The following MFSD11 variants were observed in gnomAD, a reference collection of about 807,000 sequenced individuals.
The protein encoded by MFSD11 is major facilitator superfamily domain containing 11.
In MFSD11, 36 loss-of-function variants were observed where a neutral mutation model predicts 53.5. That is an observed-to-expected ratio of 0.67 (90% confidence interval 0.52 to 0.89). The LOEUF (loss-of-function observed/expected upper bound fraction) is 0.89. Ranked by LOEUF, MFSD11 falls within the 40% of genes least tolerant of loss-of-function variation. The pLI is 0.00. For missense variants in MFSD11, 530 were observed against 543.9 expected, an observed-to-expected ratio of 0.97 and a Z score of 0.25; for synonymous variants, 186 against 184.9, an observed-to-expected ratio of 1.01 and a Z score of -0.05.
chr17:76,799,963 T>C, the MFSD11 span, among the ~76,000 whole-genome samples: 2 of 148,708 alleles, frequency 1.3e-5, no homozygotes, highest in East Asian at 3.9e-4. Flanking sequence ...TCCTTTTTTT[T>C]TTTTTTTTTT....
chr17:76,772,499 G>A (rs912224760), intron 10 of MFSD11, among the ~76,000 whole-genome samples: 1 of 149,980 alleles, frequency 6.7e-6, no homozygotes, highest in East Asian at 1.9e-4. Context: ...TATTGTTAAC[G>A]CTCTACCTTA....
At chr17:76,801,587 C>T in the MFSD11 span, among the ~76,000 whole-genome samples, 3 of 151,840 alleles carry the variant, frequency 2.0e-5, no homozygotes, top group African/African-American at 7.3e-5. Context: ...GCTGGGATTA[C>T]AGTCATGCAC....
the MFSD11 span, among the ~76,000 whole-genome samples, chr17:76,786,876 C>T: frequency 4.7e-5 from 7 of 148,942 alleles, no homozygotes; most frequent in East Asian, 1.4e-3. Flanking sequence ...AGTGCAGTGG[C>T]GCGATATTGG....
upstream of MFSD11, chr17:76,736,764 G>T: frequency 1.4e-6 from 2 of 1,400,782 alleles, no homozygotes; most frequent in Non-Finnish European, 9.2e-7. Flanking sequence ...CGCGCGCCCC[G>T]CCCCGCCTCC....
chr17:76,752,338 T>C (rs1318781448), intron 7 of MFSD11, among the ~76,000 whole-genome samples: 1 of 152,096 alleles, frequency 6.6e-6, no homozygotes, highest in Non-Finnish European at 1.5e-5. Context: ...CTTTGGAGCA[T>C]GATTTCAAGC....
chr17:76,762,105 C>G (rs539015053), intron 8 of MFSD11, among the ~76,000 whole-genome samples: 47 of 152,192 alleles, frequency 3.1e-4, no homozygotes, highest in African/African-American at 1.1e-3. Flanking sequence ...TGCAACCTCC[C>G]TAAGGCACTC....
chr17:76,741,132 CTT>C (rs2078046508), intron 3 of MFSD11, 68 bp downstream of exon 3: 2 of 1,007,970 alleles, frequency 2.0e-6, no homozygotes, highest in Non-Finnish European at 3.2e-6. Flanking sequence ...AGATAGTAAA[CTT>C]CACAATAATT....
At chr17:76,739,093 G>C in intron 2 of MFSD11, 100 bp downstream of exon 2, 1 of 917,850 alleles carries the variant, frequency 1.1e-6, no homozygotes, top group Non-Finnish European at 1.8e-6. Context: ...AATAAGTGGT[G>C]ATGGCATTTT....
intron 8 of MFSD11, 160 bp from the exon 9 acceptor site, chr17:76,767,226 A>G (rs1280739340): frequency 3.6e-6 from 2 of 549,484 alleles, no homozygotes; most frequent in South Asian, 2.5e-5. Context: ...TATAGGGCAA[A>G]TGTAGTTCAT....
the MFSD11 span, among the ~76,000 whole-genome samples, chr17:76,800,157 G>A: frequency 6.6e-6 from 1 of 151,262 alleles, no homozygotes; most frequent in South Asian, 2.1e-4. Flanking sequence ...GTTTCACCAT[G>A]TTGGCCAGGC....
In MFSD11 at chr17:76,738,143, T is replaced by A; in HGVS notation, c.-210T>A. The A allele has an allele frequency of 1.7e-6, 1 of 601,554 alleles. No individual in the cohort carries two copies. Among genetic ancestry groups the A allele is most frequent in the Non-Finnish European group, 2.9e-6 (1 of 340,924 alleles). 37.3% of individuals were successfully genotyped at this position (601,554 alleles called of 1,614,324 possible). On this transcript the variant is annotated 5_prime_UTR_variant, in exon 1 of 13. Coordinates refer to ENST00000685175, the MANE Select transcript of MFSD11 (RefSeq NM_001242532.5). Reference sequence around the variant, plus strand: ...TGTGCTCTTCCGTACTCGGATCGCTTCTTAGGAGTATCCTAACTGCCGGTG... The same window carrying A: ...TGTGCTCTTCCGTACTCGGATCGCTACTTAGGAGTATCCTAACTGCCGGTG...
chr17:76,796,598 G>T, the MFSD11 span, among the ~76,000 whole-genome samples: 3 of 152,190 alleles, frequency 2.0e-5, no homozygotes, highest in African/African-American at 7.2e-5. Context: ...GTTAAGTAAG[G>T]TCTCAGTCCC....
At chr17:76,755,846 G>T (rs2079566613) in intron 8 of MFSD11, among the ~76,000 whole-genome samples, 3 of 53,348 alleles carry the variant, frequency 5.6e-5, no homozygotes, top group South Asian at 6.9e-4. Flanking sequence ...TTTTTGAGAT[G>T]GAGTTTTGCT....
rs1033016392 is a variant in MFSD11, at chr17:76,739,721, C to T, written c.152+728C>T. Among the ~76,000 whole-genome samples the T allele has an allele frequency of 2.0e-5, 3 of 152,276 alleles. No individual in the cohort carries two copies. The East Asian group carries it at 5.8e-4, about 29-fold the overall frequency. On this transcript the variant is annotated intron_variant, in intron 2 of 12. Transcript: ENST00000685175. ...TAGAGATTGGATCGTGGCACTCCCC[C>T]GCCCCCCACAAACCCATAACTCATA...
At chr17:76,748,891 C>T (rs2078790062) in intron 7 of MFSD11, among the ~76,000 whole-genome samples, 1 of 151,918 alleles carries the variant, frequency 6.6e-6, no homozygotes, top group Admixed American at 6.6e-5. Flanking sequence ...CTTTCCCTTC[C>T]CTCTCTCCCA....
intron 7 of MFSD11, among the ~76,000 whole-genome samples, chr17:76,750,771 A>G (rs1250210390): frequency 6.6e-6 from 1 of 151,470 alleles, no homozygotes; most frequent in East Asian, 2.0e-4. Context: ...TTAGAGATAT[A>G]GGAGTAGACT....
At chr17:76,755,897 C>T (rs1258394543) in intron 8 of MFSD11, among the ~76,000 whole-genome samples, 2 of 139,956 alleles carry the variant, frequency 1.4e-5, no homozygotes, top group Non-Finnish European at 3.0e-5. Flanking sequence ...GATCTCAGCT[C>T]ACCACAACCT....
chr17:76,760,394 G>A (rs1468555014), intron 8 of MFSD11, among the ~76,000 whole-genome samples: 1 of 152,100 alleles, frequency 6.6e-6, no homozygotes, highest in Non-Finnish European at 1.5e-5. Context: ...GGAGGAGGGA[G>A]GGGGTTGGTC....
At chr17:76,744,988 C>T (rs1463896577) in intron 7 of MFSD11, among the ~76,000 whole-genome samples, 1 of 152,096 alleles carries the variant, frequency 6.6e-6, no homozygotes, top group Admixed American at 6.6e-5. Context: ...CAGAGTGGTC[C>T]AAATAGGGGA....
Sources: allele counts gnomAD v4.1 joint callset (sites outside exome capture counted in the v4.1 genomes callset), GRCh38; gene constraint gnomAD v4.1.1; transcripts MANE v1.5; gene names NCBI Gene and HGNC (gene_info 2026-07-23, HGNC 2026-07-21).